The following TTC21A variants were observed in gnomAD, a reference collection of about 807,000 sequenced individuals.
The protein encoded by TTC21A is tetratricopeptide repeat protein 21A.
TTC21A carries 128 observed loss-of-function variants against 156.4 expected under a neutral mutation model. The ratio of observed to expected loss-of-function variants is 0.82; its 90% CI spans 0.71 to 0.95. The LOEUF (loss-of-function observed/expected upper bound fraction) is 0.95. TTC21A is among the 40% of genes least tolerant of loss of function. The pLI, the probability that TTC21A is intolerant of heterozygous loss-of-function variation, is 0.00. For missense variants in TTC21A, 1,435 were observed against 1,602.3 expected, an observed-to-expected ratio of 0.90 and a Z score of 1.78; for synonymous variants, 587 against 617.1, an observed-to-expected ratio of 0.95 and a Z score of 0.72.
chr3:39,127,551 A>G (rs2125829447), intron 12 of TTC21A, among the ~76,000 whole-genome samples: 1 of 152,300 alleles, frequency 6.6e-6, no homozygotes. Context: ...AAGAAGGAGC[A>G]GGGAGCTTGG....
chr3:39,131,200 T>C (rs942463151), intron 19 of TTC21A, 105 bp downstream of exon 19: 12 of 853,770 alleles, frequency 1.4e-5, no homozygotes, highest in Middle Eastern at 2.3e-4. Context: ...GACCTCTTCC[T>C]TAAAAAAGGA....
chr3:39,126,896 C>G (rs2038312384), intron 12 of TTC21A, among the ~76,000 whole-genome samples: 2 of 152,188 alleles, frequency 1.3e-5, no homozygotes, highest in Non-Finnish European at 2.9e-5. Context: ...AAATTGACAA[C>G]TGAATACAAG....
At chr3:39,112,262 C>T (rs535577564) in intron 4 of TTC21A, among the ~76,000 whole-genome samples, 196 bp from the exon 5 acceptor site, 2 of 152,198 alleles carry the variant, frequency 1.3e-5, no homozygotes, top group East Asian at 1.9e-4. Context: ...GTGGGAGGGG[C>T]GCTGTCCAGG....
rs1458111860 is a variant in TTC21A at position 39,137,213 on chromosome 3, G to A, written c.3276G>A (p.Glu1092=). 3 of 1,613,486 alleles carry A rather than the reference G, an allele frequency of 1.9e-6. No homozygotes were observed. The highest frequency in any genetic ancestry group is 2.7e-5 in the African/African-American group (2 of 75,048). Residue 1092 remains glutamate, a synonymous_variant, in exon 25 of 29, where the codon GAG becomes GAA. Coordinates refer to ENST00000683103, the MANE Select transcript of TTC21A (RefSeq NM_001366900.1). ...CCTGCAGCTACATGGAGAAGAAGGA[G>A]TTGGAGCAGCAGGGTGTGAGCACCG... ...GAESNYMEKK[E]LEQQGVSTAE... is the part of the protein sequence containing the mutation.
At position 39,129,145 on chromosome 3, in the gene TTC21A, T is replaced by A. The variant is rs781197361; in HGVS notation, c.1970T>A (p.Ile657Asn). 10 of 1,614,244 alleles carry A rather than the reference T, an allele frequency of 6.2e-6. No individual in the cohort carries two copies. The highest frequency in any genetic ancestry group is 8.5e-6 in the Non-Finnish European group (10 of 1,180,038). ...GGTPEENRIT[I>N]ANVDLVLSKG... ...ACACCAGAAGAGAACCGCATCACCA[T>A]TGCCAACGTGGACTTGGTCCTGAGC... Residue 657 changes from isoleucine to asparagine, a missense_variant, in exon 15 of 29, where the codon ATT (isoleucine) becomes AAT (asparagine). Transcript: ENST00000683103.
At position 39,137,215 on chromosome 3, in the gene TTC21A, T is replaced by C; in HGVS notation, c.3278T>C (p.Leu1093Ser). 6.2e-7 allele frequency: 1 copy of C among 1,613,434 alleles called. No individual in the cohort carries two copies. Among genetic ancestry groups the C allele is most frequent in the East Asian group, 2.2e-5 (1 of 44,876 alleles). ...TGCAGCTACATGGAGAAGAAGGAGTTGGAGCAGCAGGGTGTGAGCACCGCC... is the reference window on the plus strand; with the variant it reads ...TGCAGCTACATGGAGAAGAAGGAGTCGGAGCAGCAGGGTGTGAGCACCGCC... Reference protein sequence around the residue: ...AESNYMEKKELEQQGVSTAEK... With the variant: ...AESNYMEKKESEQQGVSTAEK... Residue 1093 changes from leucine (L) to serine (S), a missense_variant, in exon 25 of 29, where the codon TTG becomes TCG. Transcript: ENST00000683103.
intron 3 of TTC21A, chr3:39,110,491 G>A (rs1231599274): frequency 8.0e-6 from 4 of 501,380 alleles, no homozygotes; most frequent in African/African-American, 7.7e-5. Context: ...TCTAGAGTCA[G>A]GGAGAGGGTC....
intron 22 of TTC21A, 106 bp downstream of exon 22, chr3:39,135,280 C>G: frequency 1.3e-5 from 12 of 931,070 alleles, no homozygotes; most frequent in African/African-American, 3.3e-5. Context: ...GCAGAGGAAG[C>G]CCCTTCCTCC....
chr3:39,120,062 T>A (rs1322857144), intron 8 of TTC21A, 42 bp downstream of exon 8: 1 of 1,412,904 alleles, frequency 7.1e-7, no homozygotes, highest in Non-Finnish European at 1.0e-6. Context: ...TGCTTCTCCC[T>A]GCTTTCCTTA....
At position 39,137,354 on chromosome 3, in the gene TTC21A, G is replaced by A. The variant is rs200682866; in HGVS notation, c.3417G>A (p.Ala1139=). The A allele has an allele frequency of 1.5e-5, 25 of 1,613,602 alleles. No homozygotes were observed. Among genetic ancestry groups the A allele is most frequent in the Middle Eastern group, 3.3e-4 (2 of 6,060 alleles). The change falls in exon 25 of 29, where the codon GCG becomes GCA. Residue 1139 remains alanine, a synonymous_variant. Transcript: ENST00000683103. Reference sequence around the variant, plus strand: ...GGGAGAAGGCTAACATGGAGGCTGCGCTGGGCAGCTTCATCCAGATAGCGC... The same window carrying A: ...GGGAGAAGGCTAACATGGAGGCTGCACTGGGCAGCTTCATCCAGATAGCGC... ...ATREKANMEA[A]LGSFIQIAQA... is the part of the protein sequence containing the mutation.
Position 39,130,011 on chromosome 3 carries a change from G to A in TTC21A, c.2136-68G>A. The stretch of plus-strand genomic sequence containing the variant: ...CCAGAATCAGTGGGAAGGAAGTGAA[G>A]GAGATGATTTCAGGAACATGAGGTG... On this transcript the variant is annotated intron_variant, in intron 15 of 28. Transcript: ENST00000683103. This position sits in a 1 kb window ranked among gnomAD's most constrained non-coding sequence, Gnocchi z 4.5. The A allele has an allele frequency of 6.9e-7, 1 of 1,452,864 alleles. No homozygotes were observed. The allele number at this position is 1,452,864 out of a possible 1,614,324, so 90.0% of individuals were successfully genotyped here.
intron 2 of TTC21A, among the ~76,000 whole-genome samples, chr3:39,109,716 A>C (rs932595492): frequency 2.0e-5 from 3 of 152,364 alleles, no homozygotes; most frequent in Non-Finnish European, 4.4e-5. Context: ...GCTCTTGAGC[A>C]GTAGCTGAGA....
Position 39,126,520 on chromosome 3 carries a change from A to ACACTCT in TTC21A, c.1522+131_1522+132insACTCTC, listed in dbSNP as rs1491529137. ...CACACACACACACACACACACACAC[A>ACACTCT]CTCTCCTTGCCTGGGGTACTACGCA... On this transcript the variant is annotated intron_variant, in intron 12 of 28. Transcript: ENST00000683103. 1.1e-4 allele frequency: 92 copies of ACACTCT among 821,786 alleles called. No homozygotes were observed. In the African/African-American group the frequency reaches 1.9e-3, roughly 17 times the overall value. The allele number at this position is 821,786 out of a possible 1,614,324, so 50.9% of individuals were successfully genotyped here. A position where few individuals can be genotyped will look rare whatever the true frequency, so the allele number is the denominator to read the frequency against.
intron 4 of TTC21A, 23 bp downstream of exon 4, chr3:39,111,040 A>G: frequency 6.3e-7 from 1 of 1,580,734 alleles, no homozygotes; most frequent in Non-Finnish European, 8.6e-7. Flanking sequence ...CCATGGGGAC[A>G]ACAGGCGAAG....
Position 39,110,945 on chromosome 3 carries a change from G to A in TTC21A, c.363G>A (p.Trp121Ter). The A allele has an allele frequency of 6.2e-7, 1 of 1,614,014 alleles. No individual in the cohort carries two copies. Among genetic ancestry groups the A allele is most frequent in the Non-Finnish European group, 8.5e-7 (1 of 1,179,988 alleles). ...TGTACTATGCTGGCCTTTTCCTCTG[G>A]CTCATAGGCCGCCATGACAAGGCCA... is the stretch of plus-strand genomic sequence containing the variant. ...TALYYAGLFL[W>*]LIGRHDKAKE... Residue 121 changes from tryptophan to a stop codon, truncating the protein, a stop_gained, in exon 4 of 29, where the codon TGG becomes TGA. Coordinates refer to ENST00000683103, the MANE Select transcript of TTC21A (RefSeq NM_001366900.1). LOFTEE classifies it high-confidence loss of function.
intron 6 of TTC21A, among the ~76,000 whole-genome samples, chr3:39,115,951 C>A (rs2037257018): frequency 6.6e-6 from 1 of 152,366 alleles, no homozygotes; most frequent in Admixed American, 6.5e-5. Flanking sequence ...TCAAACTTAT[C>A]TCTACCCTGC....
intron 3 of TTC21A, 82 bp downstream of exon 3, chr3:39,110,221 G>A: frequency 9.4e-7 from 1 of 1,065,016 alleles, no homozygotes; most frequent in Non-Finnish European, 1.4e-6. Context: ...CCCCTCAAGG[G>A]CTGCCAAAGG....
In TTC21A at chr3:39,135,229, C is replaced by T. The variant is rs189140577; in HGVS notation, c.2944+55C>T. Reference sequence around the variant, plus strand: ...CAGTTCCCACTGAGCAAGGGCCGCTCTCCCAGAGAAGGGTGGGACCTCTCC... The same window carrying T: ...CAGTTCCCACTGAGCAAGGGCCGCTTTCCCAGAGAAGGGTGGGACCTCTCC... On this transcript the variant is annotated intron_variant, in intron 22 of 28. Coordinates refer to ENST00000683103, the MANE Select transcript of TTC21A (RefSeq NM_001366900.1). The T allele has an allele frequency of 5.2e-5, 78 of 1,486,078 alleles. No individual in the cohort carries two copies. The African/African-American group carries it at 9.6e-4, about 18-fold the overall frequency. 92.1% of individuals were successfully genotyped at this position (1,486,078 alleles called of 1,614,324 possible). A position where few individuals can be genotyped will look rare whatever the true frequency, so the allele number is the denominator to read the frequency against.
rs375987444 is a variant in TTC21A at position 39,110,835 on chromosome 3, G to A, written c.269-16G>A. 20 of 1,613,174 alleles carry A rather than the reference G, an allele frequency of 1.2e-5. No homozygotes were observed. The highest frequency in any genetic ancestry group is 2.2e-5 in the East Asian group (1 of 44,882). ...ACATCCTAACTCTCCCTCTTCCTTC[G>A]CTCTTGGATTTACAGACCGAGAAGC... On this transcript the variant is annotated splice_polypyrimidine_tract_variant and intron_variant, in intron 3 of 28. Coordinates refer to ENST00000683103, the MANE Select transcript of TTC21A (RefSeq NM_001366900.1).
Sources: gnomAD v4.1 joint callset for allele counts (sites outside exome capture counted in the v4.1 genomes callset) on GRCh38, gnomAD v4.1.1 for gene constraint, Gnocchi (gnomAD v3.1) non-coding constraint, MANE v1.5 for transcripts, NCBI Gene and HGNC (gene_info 2026-07-23, HGNC 2026-07-21) for gene names.